The following TBC1D19 variants were observed in gnomAD, a reference collection of about 807,000 sequenced individuals.
TBC1D19 encodes the protein TBC1 domain family, member 19.
Under a neutral mutation model 89.0 loss-of-function variants are expected in TBC1D19, and 60 were observed. The observed-to-expected ratio is 0.67, with a 90% CI of 0.55 to 0.84. The LOEUF is 0.84. TBC1D19 is among the 40% of genes least tolerant of loss of function. The pLI is 0.00. For synonymous variants in TBC1D19, 189 were observed against 199.7 expected, an observed-to-expected ratio of 0.95 and a Z score of 0.45; for missense variants, 500 against 610.8, an observed-to-expected ratio of 0.82 and a Z score of 1.91.
chr4:26,668,456 A>G (rs1049479622), intron 9 of TBC1D19, among the ~76,000 whole-genome samples: 16 of 151,990 alleles, frequency 1.1e-4, no homozygotes, highest in African/African-American at 3.9e-4. Flanking sequence ...ATGCAGAGAT[A>G]TACATAGAAT....
intron 13 of TBC1D19, among the ~76,000 whole-genome samples, chr4:26,697,571 T>C (rs1046688570): frequency 6.6e-6 from 1 of 152,216 alleles, no homozygotes; most frequent in Middle Eastern, 3.4e-3. Flanking sequence ...AAAGAGAATT[T>C]TGGACCAATA....
the TBC1D19 span, among the ~76,000 whole-genome samples, chr4:26,804,644 G>A: frequency 7.2e-5 from 11 of 152,102 alleles, no homozygotes; most frequent in Non-Finnish European, 1.0e-4. Flanking sequence ...AGCCCAGGAC[G>A]GCGCAGCGCA....
upstream of TBC1D19, chr4:26,583,886 T>C: frequency 2.8e-6 from 1 of 361,024 alleles, no homozygotes; most frequent in South Asian, 3.0e-5. Flanking sequence ...TCAGAGGCGC[T>C]GTGGCTCTGA....
chr4:26,820,300 TCAA>T, the TBC1D19 span, among the ~76,000 whole-genome samples: 1 of 152,226 alleles, frequency 6.6e-6, no homozygotes, highest in Non-Finnish European at 1.5e-5. Flanking sequence ...TACTGTTTGT[TCAA>T]CATCTTTTCT....
At chr4:26,689,814 A>G (rs925314053) in intron 13 of TBC1D19, among the ~76,000 whole-genome samples, 1 of 152,088 alleles carries the variant, frequency 6.6e-6, no homozygotes, top group Non-Finnish European at 1.5e-5. Context: ...CTGAGACACA[A>G]CAATATAGAA....
At chr4:26,736,972 A>G (rs1384231504) in intron 16 of TBC1D19, among the ~76,000 whole-genome samples, 1 of 152,212 alleles carries the variant, frequency 6.6e-6, no homozygotes. Flanking sequence ...TGTTACATAT[A>G]AACTTATTAA....
chr4:26,648,279 C>T (rs967466498), intron 7 of TBC1D19, among the ~76,000 whole-genome samples: 3 of 152,128 alleles, frequency 2.0e-5, no homozygotes, highest in Non-Finnish European at 4.4e-5. Context: ...TTTGAGGGGT[C>T]GTTTCTACCC....
intron 7 of TBC1D19, among the ~76,000 whole-genome samples, chr4:26,643,262 G>C (rs1477567787): frequency 6.6e-6 from 1 of 152,162 alleles, no homozygotes; most frequent in Non-Finnish European, 1.5e-5. Flanking sequence ...TAGAACTCAG[G>C]ATTAAGAAAC....
chr4:26,599,950 CAAAAAAAAA>C (rs36092049), intron 1 of TBC1D19, among the ~76,000 whole-genome samples: 2 of 72,782 alleles, frequency 2.7e-5, no homozygotes, highest in African/African-American at 1.1e-4. Context: ...TCTGTCTCTC[CAAAAAAAAA>C]AAAAAAAAAA....
the TBC1D19 span, among the ~76,000 whole-genome samples, chr4:26,797,410 A>G: frequency 2.0e-5 from 3 of 152,228 alleles, no homozygotes; most frequent in African/African-American, 7.2e-5. Context: ...AAACAAGTGG[A>G]AAAACATCCC....
chr4:26,678,956 G>T (rs919019616), intron 11 of TBC1D19, among the ~76,000 whole-genome samples: 6 of 152,020 alleles, frequency 3.9e-5, no homozygotes, highest in East Asian at 1.9e-4. Context: ...TTAATTTAGG[G>T]TAAGTATCTG....
At chr4:26,831,748 G>A in the TBC1D19 span, among the ~76,000 whole-genome samples, 4 of 151,880 alleles carry the variant, frequency 2.6e-5, no homozygotes, top group Admixed American at 6.6e-5. Context: ...ATGCCACCAC[G>A]CCTGGCTAAT....
intron 13 of TBC1D19, among the ~76,000 whole-genome samples, chr4:26,712,403 C>A (rs1030509594): frequency 6.6e-6 from 1 of 151,940 alleles, no homozygotes; most frequent in Admixed American, 6.6e-5. Flanking sequence ...GCTTGTGTCC[C>A]CTTCCTCTGT....
chr4:26,760,342 G>A (rs1005258905), downstream of TBC1D19, among the ~76,000 whole-genome samples: 18 of 152,216 alleles, frequency 1.2e-4, no homozygotes, highest in African/African-American at 4.1e-4. Flanking sequence ...GCAGGAAGAT[G>A]GCTTGAGCCC....
chr4:26,659,614 C>CA lies in TBC1D19; in HGVS notation c.500dup (p.Asn167LysfsTer5). The CA allele has an allele frequency of 6.3e-7, 1 of 1,587,406 alleles. No individual in the cohort carries two copies. The highest frequency in any genetic ancestry group is 8.6e-7 in the Non-Finnish European group (1 of 1,161,326). On this transcript the variant is annotated frameshift_variant, in exon 8 of 21. Transcript: ENST00000264866. LOFTEE classifies it high-confidence loss of function. ...TTTTAAAGGTATTAATTAATCTTCG[C>CA]AACCCAAATTATGAAAACGGTGATT...
intron 19 of TBC1D19, among the ~76,000 whole-genome samples, chr4:26,751,411 C>A (rs1396757200): frequency 6.6e-6 from 1 of 152,212 alleles, no homozygotes; most frequent in Non-Finnish European, 1.5e-5. Context: ...TACTCTTTAA[C>A]TGCTAAAATG....
chr4:26,655,262 T>C (rs1455563838), intron 7 of TBC1D19, among the ~76,000 whole-genome samples: 1 of 152,208 alleles, frequency 6.6e-6, no homozygotes, highest in East Asian at 1.9e-4. Flanking sequence ...CCCGGCCATG[T>C]GAGGTGTCAG....
the TBC1D19 span, among the ~76,000 whole-genome samples, chr4:26,798,377 CTAT>C: frequency 6.6e-6 from 1 of 151,998 alleles, no homozygotes; most frequent in Non-Finnish European, 1.5e-5. Flanking sequence ...GTCAGAATGG[CTAT>C]TATTAAAAAG....
chr4:26,854,269 G>T, the TBC1D19 span, among the ~76,000 whole-genome samples: 124,363 of 152,198 alleles, frequency 0.82, 51,110 homozygotes, highest in Middle Eastern at 0.96. Context: ...ATACATATCT[G>T]TTTGGTGCTA....
Sources: allele counts gnomAD v4.1 joint callset (sites outside exome capture counted in the v4.1 genomes callset), GRCh38; gene constraint gnomAD v4.1.1; transcripts MANE v1.5; gene names NCBI Gene and HGNC (gene_info 2026-07-23, HGNC 2026-07-21).